RIPOR2: variants seen among roughly 807,000 people sequenced by gnomAD.
The protein encoded by RIPOR2 is rho family-interacting cell polarization regulator 2.
In RIPOR2, 39 loss-of-function variants were observed where a neutral mutation model predicts 114.5. The observed-to-expected ratio is 0.34, with a 90% CI of 0.26 to 0.44. RIPOR2 has a LOEUF of 0.44. Ranked by LOEUF, RIPOR2 falls within the 20% of genes least tolerant of loss-of-function variation. RIPOR2 has a pLI of 1.00. For synonymous variants in RIPOR2, 445 were observed against 484.4 expected (o/e 0.92, Z 1.07); for missense variants, 1,007 against 1,255.1 (o/e 0.80, Z 2.99).
At chr6:24,926,818 T>C (rs1308974699) in intron 1 of RIPOR2, among the ~76,000 whole-genome samples, 1 of 151,550 alleles carries the variant, frequency 6.6e-6, no homozygotes, top group African/African-American at 2.4e-5. Flanking sequence ...GTTTTTTGAG[T>C]GGTTAATCAT....
chr6:24,843,006 T>G lies in RIPOR2; in HGVS notation c.1713A>C (p.Glu571Asp), dbSNP rs768466847. The G allele has an allele frequency of 1.9e-6, 3 of 1,595,096 alleles. No individual in the cohort carries two copies. The highest frequency in any genetic ancestry group is 2.6e-6 in the Non-Finnish European group (3 of 1,169,390). ...RLLSEGSVGG[E>D]SEGCRSFLDG... ...CTAGAAAGGATCTGCAGCCTTCAGA[T>G]TCTCCACCAACAGAACCCTCAGAGA... Residue 571 changes from glutamate to aspartate, a missense_variant, in exon 13 of 22, where the codon GAA becomes GAC. By Grantham distance (45) the Glu-to-Asp change is conservative. Transcript: ENST00000643898.
At chr6:24,837,208 C>CA (rs1250792961) in intron 14 of RIPOR2, among the ~76,000 whole-genome samples, 1 of 152,160 alleles carries the variant, frequency 6.6e-6, no homozygotes, top group Non-Finnish European at 1.5e-5. Context: ...CTGCAACCTC[C>CA]ACCTCCCAGG....
At chr6:24,955,625 C>A (rs1047001026) in intron 1 of RIPOR2, among the ~76,000 whole-genome samples, 2 of 151,256 alleles carry the variant, frequency 1.3e-5, no homozygotes, top group African/African-American at 4.9e-5. Context: ...TTTAAATCTG[C>A]AGTTTCTTTT....
chr6:24,918,449 T>G (rs1299490448), intron 1 of RIPOR2, among the ~76,000 whole-genome samples: 1 of 152,228 alleles, frequency 6.6e-6, no homozygotes, highest in African/African-American at 2.4e-5. Context: ...TGTTATTGCA[T>G]GTAATCCTGT....
chr6:24,833,530 A>AC (rs1760847633), intron 15 of RIPOR2, among the ~76,000 whole-genome samples: 1 of 151,464 alleles, frequency 6.6e-6, no homozygotes, highest in African/African-American at 2.4e-5. Flanking sequence ...AACAACAACA[A>AC]AAAAACAAAA....
At chr6:24,911,350 T>C (rs2114068920) in intron 1 of RIPOR2, among the ~76,000 whole-genome samples, 1 of 151,990 alleles carries the variant, frequency 6.6e-6, no homozygotes, top group East Asian at 1.9e-4. Flanking sequence ...GCCCGGTGGA[T>C]CCAGCGCGCT....
At chr6:24,844,912 A>G (rs1554207241) in intron 12 of RIPOR2, among the ~76,000 whole-genome samples, 1 of 152,138 alleles carries the variant, frequency 6.6e-6, no homozygotes, top group Non-Finnish European at 1.5e-5. Flanking sequence ...CCCGGCAAAT[A>G]AAAACATTAC....
rs1454169150 is a variant in RIPOR2 at position 24,850,657 on chromosome 6, C to G, written c.825G>C (p.Gln275His). ...LKGKIEVNGKQSWDGEETVFL... is the reference protein window; with the variant it reads ...LKGKIEVNGKHSWDGEETVFL... ...AAACTGTTTCTTCTCCATCCCAGCT[C>G]TGCTTGCCATTTACTTCTATTTTGC... The change falls in exon 10 of 22, where the codon CAG becomes CAC. Residue 275 changes from glutamine to histidine, a missense_variant. Gln to His is a conservative substitution (Grantham distance 24). Transcript: ENST00000643898. 1 of 1,613,828 alleles carries G rather than the reference C, an allele frequency of 6.2e-7. No homozygotes were observed. Among genetic ancestry groups the G allele is most frequent in the African/African-American group, 1.3e-5 (1 of 74,914 alleles).
At chr6:24,982,436 G>T (rs1774335577) in intron 1 of RIPOR2, among the ~76,000 whole-genome samples, 1 of 152,192 alleles carries the variant, frequency 6.6e-6, no homozygotes, top group Non-Finnish European at 1.5e-5. Flanking sequence ...GACTCAGCTT[G>T]CCTTGTAACT....
chr6:24,843,893 T>A (rs1252045730), intron 12 of RIPOR2, among the ~76,000 whole-genome samples: 1 of 152,152 alleles, frequency 6.6e-6, no homozygotes, highest in African/African-American at 2.4e-5. Flanking sequence ...CAAGAGCTCA[T>A]AATATTTGGC....
chr6:24,986,597 A>C (rs1774539423), intron 1 of RIPOR2, among the ~76,000 whole-genome samples: 1 of 152,168 alleles, frequency 6.6e-6, no homozygotes, highest in Non-Finnish European at 1.5e-5. Context: ...TCTGTTCAGG[A>C]AATGTAGTTG....
At chr6:24,869,316 A>AT (rs56329568) in intron 5 of RIPOR2, among the ~76,000 whole-genome samples, 169 bp from the exon 6 acceptor site, 118 of 135,042 alleles carry the variant, frequency 8.7e-4, no homozygotes, top group South Asian at 2.1e-3. Context: ...ACCAATTTGG[A>AT]TTTTTTTTTT....
At chr6:24,870,710 T>C (rs1264719266) in intron 5 of RIPOR2, among the ~76,000 whole-genome samples, 156 bp downstream of exon 5, 2 of 152,202 alleles carry the variant, frequency 1.3e-5, no homozygotes, top group Non-Finnish European at 2.9e-5. Flanking sequence ...GATGGGATTT[T>C]GCCACATTGC....
chr6:25,028,630 G>A (rs571412533), intron 1 of RIPOR2, among the ~76,000 whole-genome samples: 2 of 152,318 alleles, frequency 1.3e-5, no homozygotes, highest in Admixed American at 6.5e-5. Context: ...ATAAATGACA[G>A]ATGTACTGTC....
chr6:24,830,400 T>C (rs1298701694), intron 17 of RIPOR2, 109 bp downstream of exon 17: 2 of 832,234 alleles, frequency 2.4e-6, no homozygotes. Context: ...CTTTTGTGTG[T>C]TTCCCATCTG....
At position 24,804,574 on chromosome 6, in the gene RIPOR2, T is replaced by C. The variant is rs1170478366; in HGVS notation, c.*1799A>G. ...CTAACTACAGACTGTACAATGTACCTTTAAAGTGAAGGATGTATGAATATA... is the reference window on the plus strand; with the variant it reads ...CTAACTACAGACTGTACAATGTACCCTTAAAGTGAAGGATGTATGAATATA... On this transcript the variant is annotated 3_prime_UTR_variant, in exon 22 of 22. Coordinates refer to ENST00000643898, the MANE Select transcript of RIPOR2 (RefSeq NM_001286445.3). 1 of 152,168 alleles carries C rather than the reference T, an allele frequency of 6.6e-6. No individual in the cohort carries two copies. The highest frequency in any genetic ancestry group is 6.5e-5 in the Admixed American group (1 of 15,282). 9.4% of individuals were successfully genotyped at this position (152,168 alleles called of 1,614,324 possible).
intron 1 of RIPOR2, among the ~76,000 whole-genome samples, chr6:24,923,135 G>A (rs1770629997): frequency 6.6e-6 from 1 of 152,092 alleles, no homozygotes; most frequent in Non-Finnish European, 1.5e-5. Flanking sequence ...TACAGTATTT[G>A]TCTTTTATGG....
chr6:24,917,154 T>C (rs1013807888), intron 1 of RIPOR2, among the ~76,000 whole-genome samples: 3 of 152,174 alleles, frequency 2.0e-5, no homozygotes, highest in Admixed American at 6.5e-5. Flanking sequence ...TCAAGATCCA[T>C]TGATACAATA....
chr6:24,975,533 G>C (rs1276986302), intron 1 of RIPOR2, among the ~76,000 whole-genome samples: 1 of 152,060 alleles, frequency 6.6e-6, no homozygotes, highest in Non-Finnish European at 1.5e-5. Flanking sequence ...ATAATGTATT[G>C]TTAGCCAGGC....
Sources: allele counts gnomAD v4.1 joint callset (sites outside exome capture counted in the v4.1 genomes callset), GRCh38; gene constraint gnomAD v4.1.1; transcripts MANE v1.5; gene names NCBI Gene and HGNC (gene_info 2026-07-23, HGNC 2026-07-21).